The following CCDC148 variants were observed in gnomAD, a reference collection of about 807,000 sequenced individuals.
The protein encoded by CCDC148 is coiled-coil domain-containing protein 148.
CCDC148 carries 89 observed loss-of-function variants against 85.7 expected under a neutral mutation model. The ratio of observed to expected loss-of-function variants is 1.04; its 90% CI spans 0.87 to 1.24. CCDC148 has a LOEUF of 1.24. CCDC148 is among the 50% of genes most tolerant of loss of function. The pLI is 0.00. For synonymous variants in CCDC148, 230 were observed against 213.9 expected (o/e 1.08, Z -0.66); for missense variants, 692 against 671.7 (o/e 1.03, Z -0.33).
intron 11 of CCDC148, among the ~76,000 whole-genome samples, chr2:158,201,145 A>C (rs1163366307): frequency 6.6e-6 from 1 of 152,066 alleles, no homozygotes; most frequent in Non-Finnish European, 1.5e-5. Flanking sequence ...TTTACTTAAA[A>C]ATTATAAGTT....
chr2:158,309,215 T>C (rs1178772434), intron 9 of CCDC148, among the ~76,000 whole-genome samples: 2 of 152,268 alleles, frequency 1.3e-5, no homozygotes, highest in Non-Finnish European at 2.9e-5. Context: ...ATTAACATCC[T>C]GTTATAGTAA....
chr2:158,278,889 A>G (rs1461377749), intron 9 of CCDC148, among the ~76,000 whole-genome samples: 1 of 152,234 alleles, frequency 6.6e-6, no homozygotes, highest in East Asian at 1.9e-4. Context: ...CAGTAGGGGC[A>G]GACTGACACC....
At chr2:158,201,749 C>G (rs1438569571) in intron 11 of CCDC148, among the ~76,000 whole-genome samples, 2 of 151,938 alleles carry the variant, frequency 1.3e-5, no homozygotes, top group Admixed American at 1.3e-4. Flanking sequence ...GTCTTTTTTC[C>G]TCATATGGTT....
intron 10 of CCDC148, among the ~76,000 whole-genome samples, chr2:158,238,194 A>T (rs1346801159): frequency 1.3e-5 from 2 of 152,046 alleles, no homozygotes; most frequent in Non-Finnish European, 2.9e-5. Context: ...GTGTATTTTT[A>T]GGGTACCTGG....
At chr2:158,316,813 A>G (rs1048040963) in intron 7 of CCDC148, among the ~76,000 whole-genome samples, 15 of 152,328 alleles carry the variant, frequency 9.8e-5, no homozygotes, top group Admixed American at 3.3e-4. Context: ...AATAGTAAAA[A>G]TCTAAGAATA....
chr2:158,378,846 C>T (rs574616225), intron 1 of CCDC148, among the ~76,000 whole-genome samples: 1 of 152,110 alleles, frequency 6.6e-6, no homozygotes, highest in Non-Finnish European at 1.5e-5. Flanking sequence ...AGAAAAGATT[C>T]CTTTCAAAAT....
chr2:158,338,545 G>T, intron 7 of CCDC148, 181 bp downstream of exon 7: 1 of 508,570 alleles, frequency 2.0e-6, no homozygotes, highest in South Asian at 3.2e-5. Flanking sequence ...GAACTATTAT[G>T]TCAAGAAATT....
At chr2:158,358,419 A>G (rs1355796347) in intron 2 of CCDC148, 30 bp downstream of exon 2, 6 of 1,584,980 alleles carry the variant, frequency 3.8e-6, no homozygotes, top group Non-Finnish European at 5.1e-6. Context: ...TTCTAAAACT[A>G]GAAAAACACA....
intron 9 of CCDC148, among the ~76,000 whole-genome samples, chr2:158,273,651 C>T (rs1689797289): frequency 6.6e-6 from 1 of 152,156 alleles, no homozygotes; most frequent in Non-Finnish European, 1.5e-5. Flanking sequence ...ACCCTGCATT[C>T]CCTCTAGTAT....
intron 1 of CCDC148, among the ~76,000 whole-genome samples, chr2:158,421,842 C>A (rs1442055140): frequency 3.3e-5 from 5 of 151,826 alleles, no homozygotes; most frequent in Non-Finnish European, 5.9e-5. Flanking sequence ...AGACCACTAG[C>A]AAGACTAATA....
chr2:158,411,454 CTTGA>C (rs551796454), intron 1 of CCDC148, among the ~76,000 whole-genome samples: 3 of 151,982 alleles, frequency 2.0e-5, no homozygotes, highest in African/African-American at 7.2e-5. Context: ...GTTTCTTCTG[CTTGA>C]TTGAGTTTTC....
intron 9 of CCDC148, chr2:158,288,719 T>C (rs761363227): frequency 7.6e-6 from 3 of 394,096 alleles, no homozygotes; most frequent in Non-Finnish European, 1.0e-5. Context: ...CTCTGCCTGA[T>C]ACCAGTTCCA....
At chr2:158,418,717 T>G (rs1686626067) in intron 1 of CCDC148, among the ~76,000 whole-genome samples, 1 of 151,992 alleles carries the variant, frequency 6.6e-6, no homozygotes, top group South Asian at 2.1e-4. Context: ...CACTATTTTT[T>G]TTTTGGTTGC....
intron 2 of CCDC148, among the ~76,000 whole-genome samples, chr2:158,356,798 A>G (rs1227429261): frequency 7.4e-6 from 1 of 135,540 alleles, no homozygotes; most frequent in East Asian, 2.1e-4. Flanking sequence ...TTATTGCGGC[A>G]TTATTCACAA....
At chr2:158,298,835 C>G (rs563629621) in intron 9 of CCDC148, among the ~76,000 whole-genome samples, 8 of 152,268 alleles carry the variant, frequency 5.3e-5, no homozygotes, top group African/African-American at 1.9e-4. Flanking sequence ...CTTTTAACTA[C>G]AAATATCTGG....
intron 2 of CCDC148, among the ~76,000 whole-genome samples, chr2:158,346,590 C>CT (rs1683006879): frequency 6.6e-6 from 1 of 152,132 alleles, no homozygotes; most frequent in African/African-American, 2.4e-5. Flanking sequence ...ATGTCTGTTC[C>CT]CTGGTTAGAC....
chr2:158,204,725 ACT>A (rs949427512), intron 11 of CCDC148, among the ~76,000 whole-genome samples: 171 of 143,362 alleles, frequency 1.2e-3, no homozygotes, highest in African/African-American at 4.1e-3. Context: ...AAAATACTTG[ACT>A]CTGTCCAAAT....
At chr2:158,222,194 A>G (rs1186972151) in intron 10 of CCDC148, among the ~76,000 whole-genome samples, 1 of 152,184 alleles carries the variant, frequency 6.6e-6, no homozygotes, top group Non-Finnish European at 1.5e-5. Flanking sequence ...ATGCAGACCA[A>G]TAATACTTCC....
chr2:158,352,207 C>T (rs1473360487), intron 2 of CCDC148, among the ~76,000 whole-genome samples: 13 of 150,066 alleles, frequency 8.7e-5, no homozygotes, highest in African/African-American at 1.2e-4. Flanking sequence ...TCACCAGCAA[C>T]GGAACAAAGC....
Sources: allele counts gnomAD v4.1 joint callset (sites outside exome capture counted in the v4.1 genomes callset), GRCh38; gene constraint gnomAD v4.1.1; transcripts MANE v1.5; gene names NCBI Gene and HGNC (gene_info 2026-07-23, HGNC 2026-07-21).